The following SGCZ variants were observed in gnomAD, a reference collection of about 807,000 sequenced individuals.
SGCZ encodes the protein sarcoglycan zeta, also known as zeta-sarcoglycan.
In SGCZ, 40 loss-of-function variants were observed where a neutral mutation model predicts 41.3. The ratio of observed to expected loss-of-function variants is 0.97; its 90% CI spans 0.75 to 1.26. SGCZ has a LOEUF of 1.26. Among genes scored for constraint, SGCZ ranks in the 50% most tolerant of loss-of-function variants. The probability of loss-of-function intolerance (pLI) is 0.00; values close to 1 mark genes in which losing one functional copy is unlikely to be tolerated. For missense variants in SGCZ, 552 were observed against 369.8 expected (o/e 1.49, Z -4.04); for synonymous variants, 206 against 137.5 (o/e 1.50, Z -3.49).
chr8:15,087,030 G>C (rs1805974190), intron 1 of SGCZ, among the ~76,000 whole-genome samples: 1 of 152,098 alleles, frequency 6.6e-6, no homozygotes, highest in Non-Finnish European at 1.5e-5. Flanking sequence ...ATTCACACAT[G>C]AGATTTAGCT....
At chr8:14,438,164 A>T (rs1800145833) in intron 2 of SGCZ, among the ~76,000 whole-genome samples, 2 of 152,040 alleles carry the variant, frequency 1.3e-5, no homozygotes, top group African/African-American at 4.8e-5. Context: ...TTCAAACTTT[A>T]GCATGTTGTA....
At position 14,435,846 on chromosome 8, in the gene SGCZ, T is replaced by C. The variant is rs143733037; in HGVS notation, c.235-111642A>G. Among the ~76,000 whole-genome samples the C allele has an allele frequency of 5.1e-3, 781 of 152,318 alleles. 7 individuals are homozygous for C. Among genetic ancestry groups the C allele is most frequent in the African/African-American group, 0.017 (719 of 41,570 alleles). On this transcript the variant is annotated intron_variant, in intron 2 of 7. Transcript: ENST00000382080. ...TATTTAACAGGGCTAGCCCATGCTC[T>C]AGCCAACATAAAAAGGCTTCAGTTT...
At chr8:14,915,401 A>G (rs1799403361) in intron 1 of SGCZ, among the ~76,000 whole-genome samples, 2 of 152,282 alleles carry the variant, frequency 1.3e-5, no homozygotes, top group South Asian at 2.1e-4. Flanking sequence ...TTTAATGAAA[A>G]GCAGCCCCAA....
intron 4 of SGCZ, among the ~76,000 whole-genome samples, chr8:14,218,925 C>T (rs1181415429): frequency 6.6e-6 from 1 of 152,178 alleles, no homozygotes; most frequent in Non-Finnish European, 1.5e-5. Context: ...GTCATCAAAG[C>T]TGATTCTCTT....
At chr8:15,018,207 C>T (rs2130937912) in intron 1 of SGCZ, among the ~76,000 whole-genome samples, 1 of 152,206 alleles carries the variant, frequency 6.6e-6, no homozygotes, top group East Asian at 1.9e-4. Context: ...CACAAATTTA[C>T]TCATTCGGCA....
chr8:14,119,902 G>A (rs993364836), intron 5 of SGCZ, among the ~76,000 whole-genome samples: 1 of 152,130 alleles, frequency 6.6e-6, no homozygotes, highest in Non-Finnish European at 1.5e-5. Context: ...TTGCATCCCA[G>A]GGATGAAGCC....
chr8:14,594,579 G>C (rs1805347899), intron 1 of SGCZ, among the ~76,000 whole-genome samples: 1 of 150,348 alleles, frequency 6.7e-6, no homozygotes, highest in Non-Finnish European at 1.5e-5. Context: ...GAAGCAAGCA[G>C]TTTATGTCTA....
chr8:14,681,024 A>G (rs1279744272), intron 1 of SGCZ, among the ~76,000 whole-genome samples: 1 of 151,728 alleles, frequency 6.6e-6, no homozygotes, highest in African/African-American at 2.4e-5. Flanking sequence ...GAGATCTAAC[A>G]TACTTTTAAT....
intron 7 of SGCZ, among the ~76,000 whole-genome samples, chr8:14,092,122 G>C (rs1469085686): frequency 6.6e-6 from 1 of 151,944 alleles, no homozygotes; most frequent in African/African-American, 2.4e-5. Context: ...AAGTTCAGAT[G>C]GTTGTAGATA....
chr8:14,442,299 T>C (rs950327614), intron 2 of SGCZ, among the ~76,000 whole-genome samples: 3 of 152,136 alleles, frequency 2.0e-5, no homozygotes, highest in Admixed American at 6.6e-5. Context: ...TGAGATCTGA[T>C]GGTTTTATAA....
chr8:15,185,179 T>C (rs111617938), intron 1 of SGCZ, among the ~76,000 whole-genome samples: 98 of 152,244 alleles, frequency 6.4e-4, no homozygotes, highest in African/African-American at 2.2e-3. Flanking sequence ...CATTAAAAGA[T>C]CAAAGTTAGG....
chr8:14,479,386 G>A (rs1801457769), intron 2 of SGCZ, among the ~76,000 whole-genome samples: 1 of 152,174 alleles, frequency 6.6e-6, no homozygotes, highest in East Asian at 1.9e-4. Flanking sequence ...TTTTATTTCA[G>A]CAGCGTTCGC....
chr8:14,661,705 G>C (rs995622259), intron 1 of SGCZ, among the ~76,000 whole-genome samples: 38 of 152,014 alleles, frequency 2.5e-4, no homozygotes, highest in African/African-American at 8.9e-4. Flanking sequence ...TCTCTCTTGG[G>C]TTCTTGGATC....
chr8:14,627,569 T>C (rs1281746624), intron 1 of SGCZ, among the ~76,000 whole-genome samples: 3 of 152,136 alleles, frequency 2.0e-5, no homozygotes, highest in Admixed American at 1.3e-4. Flanking sequence ...TCCTACTATG[T>C]GGTAATAATT....
At chr8:14,213,330 G>T (rs1216489201) in intron 4 of SGCZ, among the ~76,000 whole-genome samples, 2 of 151,984 alleles carry the variant, frequency 1.3e-5, no homozygotes, top group African/African-American at 4.8e-5. Flanking sequence ...ACCTTTAGGG[G>T]AACAACAATT....
intron 1 of SGCZ, among the ~76,000 whole-genome samples, chr8:14,918,846 G>A (rs532635975): frequency 2.0e-5 from 3 of 152,258 alleles, no homozygotes; most frequent in Non-Finnish European, 2.9e-5. Context: ...GGTGCCAAGA[G>A]GCAGCTAAAT....
intron 6 of SGCZ, among the ~76,000 whole-genome samples, chr8:14,104,357 G>GT (rs5889516): frequency 0.02 from 2,990 of 151,852 alleles, 51 homozygotes; most frequent in Non-Finnish European, 0.03. Context: ...AAAGCATTCT[G>GT]TTTTTTTATG....
chr8:14,840,391 T>C (rs1019018789), intron 1 of SGCZ, among the ~76,000 whole-genome samples: 1 of 152,172 alleles, frequency 6.6e-6, no homozygotes, highest in African/African-American at 2.4e-5. Context: ...CATTGATTTA[T>C]TTGAATATGA....
chr8:14,559,372 C>G (rs574865572), intron 1 of SGCZ, among the ~76,000 whole-genome samples: 2 of 152,192 alleles, frequency 1.3e-5, no homozygotes, highest in South Asian at 4.1e-4. Flanking sequence ...AACTCGACCC[C>G]TTTTACCATA....
Sources: allele counts gnomAD v4.1 joint callset (sites outside exome capture counted in the v4.1 genomes callset), GRCh38; gene constraint gnomAD v4.1.1; transcripts MANE v1.5; gene names NCBI Gene and HGNC (gene_info 2026-07-23, HGNC 2026-07-21).